Variants in PTPRM observed in about 807,000 individuals in gnomAD.
PTPRM encodes protein tyrosine phosphatase receptor type M.
PTPRM carries 47 observed loss-of-function variants against 186.7 expected under a neutral mutation model. The observed-to-expected ratio is 0.25, with a 90% CI of 0.20 to 0.32. The LOEUF (loss-of-function observed/expected upper bound fraction) is 0.32, where lower values mean the gene tolerates loss of function less well. Among genes scored for constraint, PTPRM ranks in the 10% least tolerant of loss-of-function variants. PTPRM has a pLI of 1.00. For missense variants in PTPRM, 1,494 were observed against 1,865.0 expected (o/e 0.80, Z 3.66); for synonymous variants, 668 against 674.9 (o/e 0.99, Z 0.16).
chr18:8,341,699 T>A (rs2095475919), intron 22 of PTPRM, among the ~76,000 whole-genome samples: 3 of 149,758 alleles, frequency 2.0e-5, no homozygotes. Flanking sequence ...CCCCTTTGAT[T>A]CAGGGGTCAC....
chr18:7,955,521 A>C, intron 7 of PTPRM, 107 bp downstream of exon 7: 1 of 1,328,002 alleles, frequency 7.5e-7, no homozygotes, highest in Non-Finnish European at 1.0e-6. Context: ...CTCTATCAAA[A>C]CCTGCATATG....
At chr18:7,629,449 G>A (rs961393464) in intron 1 of PTPRM, among the ~76,000 whole-genome samples, 4 of 152,060 alleles carry the variant, frequency 2.6e-5, no homozygotes, top group African/African-American at 7.2e-5. Context: ...TTTAGGGTGG[G>A]GCCTGAACAT....
At chr18:8,165,897 G>T (rs2093316616) in intron 14 of PTPRM, among the ~76,000 whole-genome samples, 1 of 152,080 alleles carries the variant, frequency 6.6e-6, no homozygotes, top group Non-Finnish European at 1.5e-5. Context: ...AAGATATTCA[G>T]CATTTGCTAC....
At chr18:7,669,598 G>A (rs2039172126) in intron 1 of PTPRM, among the ~76,000 whole-genome samples, 1 of 152,184 alleles carries the variant, frequency 6.6e-6, no homozygotes, top group Admixed American at 6.5e-5. Context: ...AAATGTCAGG[G>A]ATAAGGCTAA....
chr18:7,653,667 A>G (rs1385085695), intron 1 of PTPRM, among the ~76,000 whole-genome samples: 1 of 152,154 alleles, frequency 6.6e-6, no homozygotes, highest in African/African-American at 2.4e-5. Context: ...TTATGGCTGC[A>G]TGGTATTCTA....
chr18:7,647,339 GA>G, intron 1 of PTPRM, among the ~76,000 whole-genome samples: 1 of 152,304 alleles, frequency 6.6e-6, no homozygotes, highest in African/African-American at 2.4e-5. Context: ...TCTTGAGTTA[GA>G]TTTTTTGACA....
Position 7,834,188 on chromosome 18 carries a change from C to T in PTPRM, c.197-53918C>T, listed in dbSNP as rs79163594. Among the ~76,000 whole-genome samples the T allele has an allele frequency of 3.7e-3, 564 of 152,030 alleles. 26 individuals are homozygous for T. In the East Asian group the frequency reaches 0.088, roughly 24 times the overall value. On this transcript the variant is annotated intron_variant, in intron 2 of 32. Coordinates refer to ENST00000580170, the MANE Select transcript of PTPRM (RefSeq NM_001105244.2). ...ACTTTTTAGCATCAATTGAAATGAT[C>T]GTATGGTTTTTGTCTTTCATTTTGT...
intron 1 of PTPRM, among the ~76,000 whole-genome samples, chr18:7,772,355 CTTTCTTTCTTTCTTTCTTTCTT>C (rs2042331891): frequency 1.8e-4 from 5 of 27,320 alleles, no homozygotes; most frequent in African/African-American, 3.7e-4. Flanking sequence ...CTTTCTCTTT[CTTTCTTTCTTTCTTTCTTTCTT>C]TCTTTCTTTC....
intron 14 of PTPRM, among the ~76,000 whole-genome samples, chr18:8,169,669 T>C (rs2093370538): frequency 6.6e-6 from 1 of 152,194 alleles, no homozygotes; most frequent in Non-Finnish European, 1.5e-5. Flanking sequence ...TAGCATGGTG[T>C]ATGCGTGTAC....
chr18:8,236,828 C>T (rs1388467928), intron 14 of PTPRM, among the ~76,000 whole-genome samples: 1 of 152,170 alleles, frequency 6.6e-6, no homozygotes, highest in Non-Finnish European at 1.5e-5. Flanking sequence ...AGGTGTGAGC[C>T]ACCTAGTGCA....
chr18:7,730,562 T>C (rs2040638010), intron 1 of PTPRM, among the ~76,000 whole-genome samples: 1 of 152,236 alleles, frequency 6.6e-6, no homozygotes, highest in South Asian at 2.1e-4. Context: ...ATCCACAGTG[T>C]AGCTGGTCTG....
At chr18:8,063,657 G>GT (rs1963659691) in intron 7 of PTPRM, among the ~76,000 whole-genome samples, 1 of 151,996 alleles carries the variant, frequency 6.6e-6, no homozygotes, top group African/African-American at 2.4e-5. Flanking sequence ...GGATTTAGGG[G>GT]TACAAGTACA....
At chr18:8,114,747 A>C (rs1388410874) in intron 12 of PTPRM, 44 bp from the exon 13 acceptor site, 2 of 1,505,908 alleles carry the variant, frequency 1.3e-6, no homozygotes, top group Non-Finnish European at 9.2e-7. Flanking sequence ...TTTGTCTTAA[A>C]GAAAACATGA....
intron 1 of PTPRM, among the ~76,000 whole-genome samples, chr18:7,646,112 T>A (rs894913624): frequency 6.6e-6 from 1 of 152,154 alleles, no homozygotes; most frequent in Non-Finnish European, 1.5e-5. Flanking sequence ...TTGGAAGACA[T>A]CAGGTTTCTT....
intron 14 of PTPRM, among the ~76,000 whole-genome samples, chr18:8,189,427 C>T (rs1366355495): frequency 6.6e-6 from 1 of 152,174 alleles, no homozygotes; most frequent in Non-Finnish European, 1.5e-5. Context: ...TCTCTGTCCA[C>T]TCTGCATCTC....
chr18:7,871,418 G>T (rs1451381333), intron 2 of PTPRM, among the ~76,000 whole-genome samples: 1 of 152,048 alleles, frequency 6.6e-6, no homozygotes, highest in Non-Finnish European at 1.5e-5. Context: ...TGTCACTTTG[G>T]CATTTGAATA....
At chr18:8,364,461 A>G (rs1209167548) in intron 23 of PTPRM, among the ~76,000 whole-genome samples, 11 of 152,222 alleles carry the variant, frequency 7.2e-5, no homozygotes, top group Non-Finnish European at 1.6e-4. Context: ...TTCTCAGGAT[A>G]TTTAAATGAG....
chr18:7,859,151 C>G (rs2047226754), intron 2 of PTPRM, among the ~76,000 whole-genome samples: 1 of 152,118 alleles, frequency 6.6e-6, no homozygotes, highest in Non-Finnish European at 1.5e-5. Context: ...TGAGTTCTAT[C>G]TAAAGCTGAC....
chr18:8,375,215 T>C (rs1398735369), intron 24 of PTPRM, among the ~76,000 whole-genome samples: 4 of 152,180 alleles, frequency 2.6e-5, no homozygotes, highest in African/African-American at 9.7e-5. Flanking sequence ...TACAGTTGAG[T>C]GGCAGGCAGC....
Sources: gnomAD v4.1 joint callset for allele counts (sites outside exome capture counted in the v4.1 genomes callset) on GRCh38, gnomAD v4.1.1 for gene constraint, MANE v1.5 for transcripts, NCBI Gene and HGNC (gene_info 2026-07-23, HGNC 2026-07-21) for gene names.